The following MUC4 variants were observed in gnomAD, a reference collection of about 807,000 sequenced individuals.
MUC4 encodes the protein mucin-4.
In MUC4, 202 loss-of-function variants were observed where a neutral mutation model predicts 257.9. The ratio of observed to expected loss-of-function variants is 0.78; its 90% CI spans 0.70 to 0.88. MUC4 has a LOEUF of 0.88. MUC4 is among the 40% of genes least tolerant of loss of function. The pLI is 0.00. For synonymous variants in MUC4, 2,351 were observed against 2,757.1 expected (o/e 0.85, Z 4.62); for missense variants, 5,976 against 6,513.7 (o/e 0.92, Z 2.84).
chr3:195,782,916 T>A lies in MUC4; in HGVS notation c.8664A>T (p.Ser2888=). The change falls in exon 2 of 25, where the codon TCA becomes TCT. Residue 2888 remains serine (S), a synonymous_variant. Transcript: ENST00000463781. ...GAGGGGTAGCGTGACCTGTGGACAC[T>A]GAGGAAGCGTCGGTGACAGGAAGAG... ...ATPLPVTDAS[S]VSTGHATPLP... is the part of the protein sequence containing the mutation. The A allele has an allele frequency of 6.6e-7, 1 of 1,507,216 alleles. No individual in the cohort carries two copies. Among genetic ancestry groups the A allele is most frequent in the Non-Finnish European group, 8.9e-7 (1 of 1,119,858 alleles). The allele number at this position is 1,507,216 out of a possible 1,614,324, so 93.4% of individuals were successfully genotyped here. A position where few individuals can be genotyped will look rare whatever the true frequency, so the allele number is the denominator to read the frequency against.
rs770302672 is a variant in MUC4, at chr3:195,782,287, G to C, written c.9293C>G (p.Ser3098Cys). 6.5e-7 allele frequency: 1 copy of C among 1,539,630 alleles called. No individual in the cohort carries two copies. The highest frequency in any genetic ancestry group is 8.8e-7 in the Non-Finnish European group (1 of 1,141,966). ...PLPVTSLSSV[S>C]TGDTTPLPVT... ...AGGAAGAGGCGTGGTGTCACCTGTG[G>C]ATACTGAGGAAAGGCTGGTGACAGG... Residue 3098 changes from serine to cysteine, a missense_variant, in exon 2 of 25, where the codon TCC becomes TGC. Ser to Cys is a moderately radical substitution (Grantham distance 112). Transcript: ENST00000463781.
chr3:195,786,838 T>G lies in MUC4; in HGVS notation c.4742A>C (p.His1581Pro). Residue 1581 changes from histidine (H) to proline (P), a missense_variant, in exon 2 of 25, where the codon CAC (histidine) becomes CCC (proline). Physicochemically the swap from His to Pro is moderately conservative, Grantham distance 77 (BLOSUM62 -2). Coordinates refer to ENST00000463781, the MANE Select transcript of MUC4 (RefSeq NM_018406.7). The stretch of plus-strand genomic sequence containing the variant: ...GTCGGTGACAGGAAGAGGGGTGGTG[T>G]GACCTGTAGATGCTGAGGAAGGGCT... ...VTSPSSASTG[H>P]TTPLPVTDTS... 2 of 1,528,066 alleles carry G rather than the reference T, an allele frequency of 1.3e-6. No homozygotes were observed. Among genetic ancestry groups the G allele is most frequent in the South Asian group, 1.2e-5 (1 of 82,636 alleles). The allele number at this position is 1,528,066 out of a possible 1,614,324, so 94.7% of individuals were successfully genotyped here.
intron 12 of MUC4, 79 bp from the exon 13 acceptor site, chr3:195,763,024 G>A: frequency 8.2e-7 from 1 of 1,225,962 alleles, no homozygotes; most frequent in South Asian, 1.3e-5. Context: ...GAGAGCCCCT[G>A]GGGCTGGAAG....
In MUC4 at chr3:195,765,075, G is replaced by A. The variant is rs779356419; in HGVS notation, c.13846C>T (p.Arg4616Ter). 30 of 1,613,694 alleles carry A rather than the reference G, an allele frequency of 1.9e-5. No individual in the cohort carries two copies. The highest frequency in any genetic ancestry group is 3.3e-5 in the Admixed American group (2 of 59,994). ...CCGTAGCTGCAGCACACGCCTCCTC[G>A]CCAAGAGGTGAAGCTGCACAGCTGC... is the stretch of plus-strand genomic sequence containing the variant. ...SRQLCSFTSWRGGVCCSYGPW... is the reference protein window; with the variant it reads ...SRQLCSFTSW The change falls in exon 10 of 25, where the codon CGA becomes TGA. Residue 4616 changes from arginine (R) to a stop codon, truncating the protein, a stop_gained. Transcript: ENST00000463781. LOFTEE classifies it high-confidence loss of function.
At chr3:195,801,949 C>G (rs371293269) in intron 1 of MUC4, among the ~76,000 whole-genome samples, 5 of 152,116 alleles carry the variant, frequency 3.3e-5, no homozygotes, top group Admixed American at 1.3e-4. Flanking sequence ...CTCTCTCCCC[C>G]GCTCCACGCC....
At position 195,788,540 on chromosome 3, in the gene MUC4, G is replaced by T. The variant is rs55803325; in HGVS notation, c.3040C>A (p.Pro1014Thr). ...GHATPLPVTS[P>T]SSVSTGHTTP... ...GTGTGACCTGTGGATACTGAGGAAG[G>T]GCTGGTGACAGGAAGAGGGGTGGCG... The change falls in exon 2 of 25, where the codon CCT (proline) becomes ACT (threonine). Residue 1014 changes from proline to threonine, a missense_variant. Coordinates refer to ENST00000463781, the MANE Select transcript of MUC4 (RefSeq NM_018406.7). The T allele has an allele frequency of 5.3e-4, 469 of 887,414 alleles. 1 individual carries two copies. Among genetic ancestry groups the T allele is most frequent in the African/African-American group, 3.8e-3 (120 of 31,188 alleles). The allele number at this position is 887,414 out of a possible 1,614,324, so 55.0% of individuals were successfully genotyped here. A position where few individuals can be genotyped will look rare whatever the true frequency, so the allele number is the denominator to read the frequency against.
chr3:195,774,917 A>T (rs1024537048), intron 3 of MUC4, among the ~76,000 whole-genome samples: 1 of 151,664 alleles, frequency 6.6e-6, no homozygotes, highest in Admixed American at 6.6e-5. Context: ...AAAAAAAAAA[A>T]ATAGACAAAA....
intron 4 of MUC4, among the ~76,000 whole-genome samples, chr3:195,773,971 G>A (rs969428126): frequency 2.6e-4 from 40 of 152,330 alleles, no homozygotes; most frequent in Middle Eastern, 3.4e-3. Context: ...CAGAAGCAGC[G>A]GTGGGCCCAG....
intron 15 of MUC4, 90 bp downstream of exon 15, chr3:195,761,394 G>T: frequency 2.7e-6 from 3 of 1,129,682 alleles, no homozygotes; most frequent in Non-Finnish European, 4.0e-6. Flanking sequence ...GGAGGATGGA[G>T]GTCTGCTTCC....
intron 8 of MUC4, among the ~76,000 whole-genome samples, chr3:195,766,018 T>G (rs1720386780): frequency 6.6e-6 from 1 of 152,160 alleles, no homozygotes; most frequent in African/African-American, 2.4e-5. Flanking sequence ...TGGAGTGCAG[T>G]GGCGCGATCT....
rs1733592407 is a variant in MUC4 at position 195,789,575 on chromosome 3, A to G, written c.2005T>C (p.Ser669Pro). The G allele has an allele frequency of 1.2e-6, 2 of 1,613,672 alleles. No individual in the cohort carries two copies. The highest frequency in any genetic ancestry group is 1.3e-5 in the African/African-American group (1 of 74,928). Residue 669 changes from serine (S) to proline (P), a missense_variant, in exon 2 of 25, where the codon TCT becomes CCT. Around this residue, in one of 44 missense-constraint regions of MUC4, gnomAD observed 1,583 missense variants for 1,257.4 expected, o/e 1.26. Transcript: ENST00000463781. ...TDTKTVTTPGSSFTASGHSPS... is the reference protein window; with the variant it reads ...TDTKTVTTPGPSFTASGHSPS... ...GAGTGCCCACTGGCTGTGAAGGAAGAACCTGGGGTGGTGACTGTCTTGGTG... is the reference window on the plus strand; with the variant it reads ...GAGTGCCCACTGGCTGTGAAGGAAGGACCTGGGGTGGTGACTGTCTTGGTG...
rs1299241632 is a variant in MUC4 at position 195,772,562 on chromosome 3, A to AT, written c.13078-747_13078-746insA. Among the ~76,000 whole-genome samples, 118 of 112,824 alleles carry AT rather than the reference A, an allele frequency of 1.0e-3. 17 individuals are homozygous for AT. The highest frequency in any genetic ancestry group is 3.7e-3 in the African/African-American group (93 of 25,226). The allele number at this position is 112,824 out of a possible 152,430, so 74.0% of individuals were successfully genotyped here. A position where few individuals can be genotyped will look rare whatever the true frequency, so the allele number is the denominator to read the frequency against. On this transcript the variant is annotated intron_variant, in intron 4 of 24. Coordinates refer to ENST00000463781, the MANE Select transcript of MUC4 (RefSeq NM_018406.7). Reference sequence around the variant, plus strand: ...TCAGGGGTGTAGACACCCTCTCTCCACCGCTCAGGGGTGTAGACACCCTCT... The same window carrying AT: ...TCAGGGGTGTAGACACCCTCTCTCCATCCGCTCAGGGGTGTAGACACCCTCT...
chr3:195,762,385 G>A, intron 13 of MUC4, 131 bp from the exon 14 acceptor site: 1 of 1,042,352 alleles, frequency 9.6e-7, no homozygotes, highest in Non-Finnish European at 1.4e-6. Flanking sequence ...CTGCACTGGA[G>A]GCGGAGAAGA....
Position 195,781,123 on chromosome 3 carries a change from G to A in MUC4, c.10457C>T (p.Thr3486Ile), listed in dbSNP as rs534331968. 2.7e-6 allele frequency: 4 copies of A among 1,482,110 alleles called. 1 individual carries two copies. The highest frequency in any genetic ancestry group is 2.5e-5 in the East Asian group (1 of 39,216). The allele number at this position is 1,482,110 out of a possible 1,614,324, so 91.8% of individuals were successfully genotyped here. Reference protein sequence around the residue: ...TSPSSASTGHTTPLHVTIPSS... With the variant: ...TSPSSASTGHITPLHVTIPSS... ...AGGGATGGTGACATGAAGAGGGGTG[G>A]TGTGACCTGTAGATGCTGAGGAAGG... The change falls in exon 2 of 25, where the codon ACC becomes ATC. Residue 3486 changes from threonine (T) to isoleucine (I), a missense_variant. By Grantham distance (89) the Thr-to-Ile change is moderately conservative (BLOSUM62 -1). Transcript: ENST00000463781.
At chr3:195,765,945 C>A (rs914313067) in intron 8 of MUC4, among the ~76,000 whole-genome samples, 1 of 151,906 alleles carries the variant, frequency 6.6e-6, no homozygotes, top group Admixed American at 6.6e-5. Context: ...AACGTGAGAC[C>A]CCCGGGCCTC....
intron 3 of MUC4, among the ~76,000 whole-genome samples, chr3:195,775,934 G>C (rs1182252328): frequency 0.28 from 4,067 of 14,554 alleles, 8 homozygotes; most frequent in East Asian, 0.43. Flanking sequence ...ACCTTCCACA[G>C]TCATACCTTC....
At position 195,778,816 on chromosome 3, in the gene MUC4, T is replaced by A. The variant is rs752904574; in HGVS notation, c.12764A>T (p.Asp4255Val). ...SATSASTVSS[D>V]SPLKMETPGM... ...TGGTGTTTCCATCTTCAGAGGGGAG[T>A]CCGAGGATACTGTGGAAGCTGAGGT... is the stretch of plus-strand genomic sequence containing the variant. The change falls in exon 2 of 25, where the codon GAC (aspartate) becomes GTC (valine). Residue 4255 changes from aspartate to valine, a missense_variant. Physicochemically the swap from Asp to Val is radical, Grantham distance 152. Transcript: ENST00000463781. 2.5e-6 allele frequency: 4 copies of A among 1,611,626 alleles called. No homozygotes were observed. Among genetic ancestry groups the A allele is most frequent in the Non-Finnish European group, 2.5e-6 (3 of 1,179,268 alleles).
chr3:195,763,656 G>A lies in MUC4; in HGVS notation c.14045-15C>T. The A allele has an allele frequency of 6.7e-7, 1 of 1,492,250 alleles. No individual in the cohort carries two copies. The allele number at this position is 1,492,250 out of a possible 1,614,324, so 92.4% of individuals were successfully genotyped here. A position where few individuals can be genotyped will look rare whatever the true frequency, so the allele number is the denominator to read the frequency against. ...GAACATCCAGGCTGGAAGGAAAAAAGAGATGCTGCCTCAGCATGACAAATC... is the reference window on the plus strand; with the variant it reads ...GAACATCCAGGCTGGAAGGAAAAAAAAGATGCTGCCTCAGCATGACAAATC... On this transcript the variant is annotated splice_polypyrimidine_tract_variant and intron_variant, in intron 11 of 24. Transcript: ENST00000463781.
intron 3 of MUC4, among the ~76,000 whole-genome samples, chr3:195,776,264 C>G (rs866878372): frequency 1.3e-4 from 7 of 53,292 alleles, no homozygotes; most frequent in South Asian, 5.7e-4. Context: ...ACCTTCCACA[C>G]CCATACCTTC....
Sources: gnomAD v4.1 joint callset for allele counts (sites outside exome capture counted in the v4.1 genomes callset) on GRCh38, gnomAD v4.1.1 for gene constraint, gnomAD v4.1.1 regional missense constraint, MANE v1.5 for transcripts, NCBI Gene and HGNC (gene_info 2026-07-23, HGNC 2026-07-21) for gene names.